The following EBF2 variants were observed in gnomAD, a reference collection of about 807,000 sequenced individuals.
EBF2 encodes the protein transcription factor COE2.
Under a neutral mutation model 72.8 loss-of-function variants are expected in EBF2, and 21 were observed. The ratio of observed to expected loss-of-function variants is 0.29; its 90% CI spans 0.20 to 0.42. EBF2 has a LOEUF of 0.42. Among genes scored for constraint, EBF2 ranks in the 10% least tolerant of loss-of-function variants. The probability of loss-of-function intolerance (pLI) is 1.00; values close to 1 mark genes in which losing one functional copy is unlikely to be tolerated. For synonymous variants in EBF2, 299 were observed against 274.2 expected, an observed-to-expected ratio of 1.09 and a Z score of -0.89; for missense variants, 637 against 731.2, an observed-to-expected ratio of 0.87 and a Z score of 1.49.
chr8:26,041,958 C>T, intron 2 of EBF2, 137 bp downstream of exon 2: 2 of 1,314,782 alleles, frequency 1.5e-6, no homozygotes, highest in South Asian at 1.4e-5. Flanking sequence ...GATTTAGAGG[C>T]TGGGGGTGAG....
rs556924043 is a variant in EBF2 at position 25,953,376 on chromosome 8, A to C, written c.552-44821T>G. ...AAACATGATTTTCCTTAAGGTGGTC[A>C]TATAGGCTTTTATTGCATTTAATTG... On this transcript the variant is annotated intron_variant, in intron 6 of 15. Transcript: ENST00000520164. 2.3e-3 allele frequency among the ~76,000 whole-genome samples: 345 copies of C among 152,338 alleles called. 2 individuals carry two copies. The highest frequency in any genetic ancestry group is 4.2e-3 in the Non-Finnish European group (289 of 68,032).
chr8:25,887,776 A>AGTT lies in EBF2; in HGVS notation c.882+63_882+65dup. The stretch of plus-strand genomic sequence containing the variant: ...CTTTTTTACCCTTGGTGTTTGTGCT[A>AGTT]GTTTCCCAGATCAAAACAATCTTTG... On this transcript the variant is annotated intron_variant, in intron 9 of 15. Transcript: ENST00000520164. The AGTT allele has an allele frequency of 4.8e-6, 7 of 1,452,066 alleles. No individual in the cohort carries two copies. In the South Asian group the frequency reaches 6.6e-5, roughly 14 times the overall value. The allele number at this position is 1,452,066 out of a possible 1,614,324, so 89.9% of individuals were successfully genotyped here.
chr8:25,890,534 C>T (rs1247125370), intron 7 of EBF2, among the ~76,000 whole-genome samples: 1 of 152,204 alleles, frequency 6.6e-6, no homozygotes, highest in African/African-American at 2.4e-5. Context: ...TCCCAGGCTT[C>T]TGTCCCCTAA....
At chr8:25,957,842 A>C (rs79082695) in intron 6 of EBF2, among the ~76,000 whole-genome samples, 31 of 152,322 alleles carry the variant, frequency 2.0e-4, no homozygotes, top group South Asian at 4.1e-4. Flanking sequence ...GTACAACTGG[A>C]GAGGCCAATT....
chr8:25,966,707 C>G (rs145255597), intron 6 of EBF2, among the ~76,000 whole-genome samples: 9 of 152,356 alleles, frequency 5.9e-5, no homozygotes, highest in African/African-American at 1.7e-4. Context: ...TTCCTGCCTT[C>G]TGTTGCAAAC....
chr8:25,862,847 AACC>A (rs1802234730), intron 10 of EBF2, 50 bp from the exon 11 acceptor site: 13 of 1,395,654 alleles, frequency 9.3e-6, no homozygotes, highest in Non-Finnish European at 1.3e-5. Context: ...CTATAAAGCA[AACC>A]TTCTAATTAA....
chr8:25,966,618 G>A (rs1804119893), intron 6 of EBF2, among the ~76,000 whole-genome samples: 1 of 152,222 alleles, frequency 6.6e-6, no homozygotes, highest in African/African-American at 2.4e-5. Flanking sequence ...ACAAGCCCGA[G>A]TTCTTTCTCA....
At position 26,044,675 on chromosome 8, in the gene EBF2, A is replaced by G; in HGVS notation, c.131+54T>C. On this transcript the variant is annotated intron_variant, in intron 1 of 15. Coordinates refer to ENST00000520164, the MANE Select transcript of EBF2 (RefSeq NM_022659.4). The surrounding 1 kb of genome is among the most constrained non-coding windows in gnomAD (Gnocchi z 4.1). ...GTGCGCGGGGGGGGTGCACACGGAGAGACAGACCGTAAGAGCGAGAGACAG... is the reference window on the plus strand; with the variant it reads ...GTGCGCGGGGGGGGTGCACACGGAGGGACAGACCGTAAGAGCGAGAGACAG... 3.8e-6 allele frequency: 6 copies of G among 1,590,084 alleles called. No individual in the cohort carries two copies. The highest frequency in any genetic ancestry group is 5.2e-6 in the Non-Finnish European group (6 of 1,164,140).
At chr8:25,884,257 C>T (rs1466375613) in intron 10 of EBF2, among the ~76,000 whole-genome samples, 1 of 152,136 alleles carries the variant, frequency 6.6e-6, no homozygotes, top group Non-Finnish European at 1.5e-5. Flanking sequence ...GGACAACCAC[C>T]TCCCCCACCC....
At chr8:25,875,401 A>G (rs1313045726) in intron 10 of EBF2, among the ~76,000 whole-genome samples, 2 of 152,230 alleles carry the variant, frequency 1.3e-5, no homozygotes, top group Non-Finnish European at 2.9e-5. Flanking sequence ...TTGGAATGCA[A>G]ATCCCTGCCT....
intron 6 of EBF2, among the ~76,000 whole-genome samples, chr8:25,912,861 A>G (rs1387032985): frequency 6.6e-6 from 1 of 152,192 alleles, no homozygotes; most frequent in African/African-American, 2.4e-5. Context: ...ACTATTCAGG[A>G]ATACAGTAAA....
chr8:25,847,579 G>A (rs1481155701), intron 15 of EBF2, among the ~76,000 whole-genome samples: 1 of 152,152 alleles, frequency 6.6e-6, no homozygotes, highest in Non-Finnish European at 1.5e-5. Context: ...ACCTTGCCTA[G>A]TTCTTCACAC....
At chr8:25,912,837 C>T (rs1329156266) in intron 6 of EBF2, among the ~76,000 whole-genome samples, 1 of 152,124 alleles carries the variant, frequency 6.6e-6, no homozygotes, top group Non-Finnish European at 1.5e-5. Flanking sequence ...CTCTAACATA[C>T]TGGAATATCC....
chr8:25,900,298 A>C (rs1384232457), intron 7 of EBF2, among the ~76,000 whole-genome samples: 1 of 152,130 alleles, frequency 6.6e-6, no homozygotes, highest in African/African-American at 2.4e-5. Flanking sequence ...TCTACAAAAA[A>C]CACAAAAATT....
intron 6 of EBF2, among the ~76,000 whole-genome samples, chr8:26,008,383 G>C (rs550816249): frequency 4.0e-4 from 61 of 152,208 alleles, no homozygotes; most frequent in African/African-American, 1.4e-3. Context: ...GCCTCAGCTG[G>C]GAAGGACCTG....
intron 6 of EBF2, among the ~76,000 whole-genome samples, chr8:26,018,895 T>C (rs1182702403): frequency 1.4e-5 from 2 of 145,970 alleles, no homozygotes; most frequent in African/African-American, 5.2e-5. Context: ...TATGGGTCCA[T>C]TGTATTCACT....
In EBF2 at chr8:26,040,622, G is replaced by C. The variant is rs1000169860; in HGVS notation, c.402C>G (p.Thr134=). 7.5e-5 allele frequency: 117 copies of C among 1,552,848 alleles called. No homozygotes were observed. The highest frequency in any genetic ancestry group is 8.1e-5 in the Non-Finnish European group (93 of 1,147,852). Residue 134 remains threonine, a synonymous_variant, in exon 4 of 16, where the codon ACC becomes ACG. Transcript: ENST00000520164. ...DLYVRLIDSV[T]KQPIAYEGQN... ...CAAGTGGCCTCCGGCTCACCTGCTT[G>C]GTGACCGAGTCGATGAGCCTGACAT...
chr8:25,971,713 T>C (rs777094075), intron 6 of EBF2, among the ~76,000 whole-genome samples: 1 of 152,220 alleles, frequency 6.6e-6, no homozygotes, highest in Non-Finnish European at 1.5e-5. Context: ...CTAAGTATAA[T>C]GATAGATACA....
chr8:25,850,453 A>G, intron 15 of EBF2, 141 bp downstream of exon 15: 2 of 1,056,758 alleles, frequency 1.9e-6, no homozygotes, highest in Non-Finnish European at 2.6e-6. Flanking sequence ...TAGCTGTAGA[A>G]GCCATTCATG....
Sources: gnomAD v4.1 joint callset for allele counts (sites outside exome capture counted in the v4.1 genomes callset) on GRCh38, gnomAD v4.1.1 for gene constraint, Gnocchi (gnomAD v3.1) non-coding constraint, MANE v1.5 for transcripts, NCBI Gene and HGNC (gene_info 2026-07-23, HGNC 2026-07-21) for gene names.